The following ST3GAL5 variants were observed in gnomAD, a reference collection of about 807,000 sequenced individuals.
ST3GAL5 encodes ST3 beta-galactoside alpha-2,3-sialyltransferase 5, also known as lactosylceramide alpha-2,3-sialyltransferase.
A neutral mutation model predicts 46.1 loss-of-function variants in ST3GAL5; 25 were observed. That is an observed-to-expected ratio of 0.54 (90% CI 0.40 to 0.76). The LOEUF is 0.76. Among genes scored for constraint, ST3GAL5 ranks in the 30% least tolerant of loss-of-function variants. ST3GAL5 has a pLI of 0.00. For synonymous variants in ST3GAL5, 182 were observed against 192.7 expected (o/e 0.94, Z 0.46); for missense variants, 431 against 521.2 (o/e 0.83, Z 1.69).
intron 5 of ST3GAL5, chr2:85,844,759 A>G (rs947809289): frequency 4.7e-6 from 3 of 641,424 alleles, no homozygotes; most frequent in East Asian, 2.8e-5. Context: ...CACTTCACAC[A>G]GGCGGCACTG....
intron 3 of ST3GAL5, chr2:85,853,192 T>A (rs1285362311): frequency 4.1e-6 from 3 of 738,974 alleles, no homozygotes; most frequent in Admixed American, 5.4e-5. Flanking sequence ...TCTTAAAACA[T>A]CTTTTGAGTG....
chr2:85,887,542 C>G (rs1687887026), intron 1 of ST3GAL5: 3 of 152,224 alleles, frequency 2.0e-5, no homozygotes, highest in Non-Finnish European at 1.5e-5. Flanking sequence ...TGGTTATATG[C>G]TCTCGCAGTT....
chr2:85,852,408 G>T (rs531846670), intron 3 of ST3GAL5, among the ~76,000 whole-genome samples: 9 of 152,238 alleles, frequency 5.9e-5, no homozygotes, highest in African/African-American at 1.7e-4. Flanking sequence ...AGACTTGTAT[G>T]ATATCACACA....
intron 1 of ST3GAL5, among the ~76,000 whole-genome samples, chr2:85,869,703 A>G (rs188489046): frequency 1.6e-4 from 25 of 152,338 alleles, no homozygotes; most frequent in Non-Finnish European, 2.8e-4. Context: ...AAAGGATGTC[A>G]GCACTCAGCA....
chr2:85,846,067 G>C (rs1682760687), intron 5 of ST3GAL5: 1 of 314,986 alleles, frequency 3.2e-6, no homozygotes, highest in Admixed American at 4.6e-5. Context: ...GTGGTGGCAG[G>C]CGCCTGTAAT....
At chr2:85,881,251 T>C (rs1446810920) in intron 1 of ST3GAL5, among the ~76,000 whole-genome samples, 1 of 152,222 alleles carries the variant, frequency 6.6e-6, no homozygotes, top group Non-Finnish European at 1.5e-5. Flanking sequence ...CTTTCTTGTA[T>C]AAATTGCCCA....
intron 1 of ST3GAL5, among the ~76,000 whole-genome samples, chr2:85,878,381 G>A (rs1686800662): frequency 2.6e-5 from 4 of 152,020 alleles, no homozygotes; most frequent in African/African-American, 9.7e-5. Flanking sequence ...TATCATGACG[G>A]GGGTCATGCT....
intron 1 of ST3GAL5, among the ~76,000 whole-genome samples, chr2:85,873,453 T>C (rs139731957): frequency 6.6e-6 from 1 of 152,052 alleles, no homozygotes; most frequent in Non-Finnish European, 1.5e-5. Context: ...GAGAAAATCA[T>C]GGGGCAGCAG....
At chr2:85,875,087 T>C (rs1192785421) in intron 1 of ST3GAL5, among the ~76,000 whole-genome samples, 1 of 152,132 alleles carries the variant, frequency 6.6e-6, no homozygotes, top group East Asian at 1.9e-4. Context: ...TGAGACAAGG[T>C]CTCGCTCTGT....
At chr2:85,864,076 G>A (rs970169058) in intron 1 of ST3GAL5, among the ~76,000 whole-genome samples, 2 of 152,154 alleles carry the variant, frequency 1.3e-5, no homozygotes, top group East Asian at 3.8e-4. Context: ...AGGGGTTGTG[G>A]AAGGGGAGGT....
chr2:85,888,882 G>A lies in ST3GAL5; in HGVS notation c.24C>T (p.Cys8=). The change falls in exon 1 of 7, where the codon TGC becomes TGT. Residue 8 remains cysteine (C), a synonymous_variant. Coordinates refer to ENST00000638572, the MANE Select transcript of ST3GAL5 (RefSeq NM_003896.4). MRTKAAG[C]AERRPLQPRT... ...GCGGCTGCAGGGGACGCCGCTCCGC[G>A]CAGCCCGCCGCCTTCGTCCGCATAC... 2 of 1,371,626 alleles carry A rather than the reference G, an allele frequency of 1.5e-6. No individual in the cohort carries two copies. Among genetic ancestry groups the A allele is most frequent in the South Asian group, 1.6e-5 (1 of 64,318 alleles). The allele number at this position is 1,371,626 out of a possible 1,614,324, so 85.0% of individuals were successfully genotyped here.
intron 1 of ST3GAL5, among the ~76,000 whole-genome samples, chr2:85,869,348 T>A (rs1685654406): frequency 7.2e-6 from 1 of 138,072 alleles, no homozygotes; most frequent in Non-Finnish European, 1.6e-5. Flanking sequence ...CATGGCCTGG[T>A]GGTGCAATTG....
chr2:85,841,337 T>G (rs1682065928), intron 6 of ST3GAL5, among the ~76,000 whole-genome samples: 1 of 151,186 alleles, frequency 6.6e-6, no homozygotes, highest in Non-Finnish European at 1.5e-5. Flanking sequence ...TAAATTTTGT[T>G]TTTTTTTTTG....
Position 85,853,090 on chromosome 2 carries a change from G to T in ST3GAL5, c.319-4886C>A, listed in dbSNP as rs894716389. On this transcript the variant is annotated intron_variant, in intron 3 of 6. Transcript: ENST00000638572. ...GCAATGCCATCCGCAGGGAGATAAG[G>T]TCTTTAGCTCTCAGAAAGGAGAGAG... The T allele has an allele frequency of 1.0e-5, 13 of 1,303,744 alleles. No homozygotes were observed. The African/African-American group carries it at 1.8e-4, about 18-fold the overall frequency. The allele number at this position is 1,303,744 out of a possible 1,614,324, so 80.8% of individuals were successfully genotyped here.
At chr2:85,861,843 G>A (rs2176627) in intron 2 of ST3GAL5, among the ~76,000 whole-genome samples, 66,435 of 149,864 alleles carry the variant, frequency 0.44, 14,938 homozygotes, top group Admixed American at 0.54. Context: ...ACACACACAC[G>A]ACTTGGAGAA....
In ST3GAL5 at chr2:85,840,235, T is replaced by C. The variant is rs973055082; in HGVS notation, c.1166A>G (p.His389Arg). The C allele has an allele frequency of 1.9e-6, 3 of 1,614,094 alleles. No individual in the cohort carries two copies. The highest frequency in any genetic ancestry group is 2.2e-5 in the East Asian group (1 of 44,898). The change falls in exon 7 of 7, where the codon CAT becomes CGT. Residue 389 changes from histidine to arginine, a missense_variant. Coordinates refer to ENST00000638572, the MANE Select transcript of ST3GAL5 (RefSeq NM_003896.4). ...CMAAMNFQTM[H>R]NVTTETKFLL... ...GAACTTGGTTTCCGTTGTCACATTA[T>C]GCATGGTCTGAAAGTTCATAGCAGC...
chr2:85,859,792 A>T (rs1241340922), intron 3 of ST3GAL5, among the ~76,000 whole-genome samples: 1 of 152,248 alleles, frequency 6.6e-6, no homozygotes, highest in African/African-American at 2.4e-5. Context: ...TCTCTTACTC[A>T]ACTTCTACAT....
chr2:85,871,869 T>G (rs1685966817), intron 1 of ST3GAL5, among the ~76,000 whole-genome samples: 2 of 151,954 alleles, frequency 1.3e-5, no homozygotes, highest in Admixed American at 1.3e-4. Context: ...AAATCTGAAG[T>G]TGGGAAAGCA....
intron 1 of ST3GAL5, among the ~76,000 whole-genome samples, chr2:85,883,296 C>A (rs1356077974): frequency 6.6e-6 from 1 of 152,158 alleles, no homozygotes; most frequent in Non-Finnish European, 1.5e-5. Flanking sequence ...CTCATGAGAT[C>A]TGATGGGTTT....
Sources: allele counts gnomAD v4.1 joint callset (sites outside exome capture counted in the v4.1 genomes callset), GRCh38; gene constraint gnomAD v4.1.1; transcripts MANE v1.5; gene names NCBI Gene and HGNC (gene_info 2026-07-23, HGNC 2026-07-21).